The following ZFHX3 variants were observed in gnomAD, a reference collection of about 807,000 sequenced individuals.
ZFHX3 encodes the protein zinc finger homeobox 3, also known as zinc finger homeobox protein 3.
ZFHX3 carries 42 observed loss-of-function variants against 279.1 expected under a neutral mutation model. The observed-to-expected ratio is 0.15, with a 90% CI of 0.12 to 0.19. The LOEUF (loss-of-function observed/expected upper bound fraction) is 0.19, where lower values mean the gene tolerates loss of function less well. Ranked by LOEUF, ZFHX3 falls within the 10% of genes least tolerant of loss-of-function variation. The pLI is 1.00. For missense variants in ZFHX3, 4,981 were observed against 4,754.0 expected (o/e 1.05, Z -1.40); for synonymous variants, 2,293 against 1,957.8 (o/e 1.17, Z -4.52).
intron 1 of ZFHX3, among the ~76,000 whole-genome samples, chr16:73,875,491 A>G (rs1466772218): frequency 6.6e-6 from 1 of 152,158 alleles, no homozygotes; most frequent in Admixed American, 6.5e-5. Flanking sequence ...TTCTTATTAA[A>G]AGATTTATAT....
intron 2 of ZFHX3, among the ~76,000 whole-genome samples, chr16:73,491,502 G>T (rs2143646936): frequency 6.6e-6 from 1 of 152,292 alleles, no homozygotes; most frequent in Non-Finnish European, 1.5e-5. Flanking sequence ...GTAGGCATGT[G>T]ACTTGTGCTA....
At chr16:72,971,878 A>ATTTTTTTTTTTTTTTTTTTTTTTTTT (rs34508228) in intron 1 of ZFHX3, among the ~76,000 whole-genome samples, 1 of 95,466 alleles carries the variant, frequency 1.0e-5, no homozygotes, top group Non-Finnish European at 2.0e-5. Context: ...CTGCCTATTA[A>ATTTTTTTTTTTTTTTTTTTTTTTTTT]TTTTTTTTTT....
chr16:73,319,286 T>C (rs1447549647), intron 3 of ZFHX3, among the ~76,000 whole-genome samples: 1 of 151,860 alleles, frequency 6.6e-6, no homozygotes, highest in Non-Finnish European at 1.5e-5. Flanking sequence ...TTGATGAATA[T>C]GGGCAGGCAG....
intron 1 of ZFHX3, among the ~76,000 whole-genome samples, chr16:72,984,607 A>C (rs563834545): frequency 6.7e-5 from 10 of 149,394 alleles, no homozygotes; most frequent in African/African-American, 2.2e-4. Context: ...GCCTGGGCCA[A>C]AGAGCAAGAC....
chr16:73,844,704 G>C (rs770839857), intron 1 of ZFHX3, among the ~76,000 whole-genome samples: 17 of 151,826 alleles, frequency 1.1e-4, no homozygotes, highest in Admixed American at 2.6e-4. Context: ...AGAGAGATCA[G>C]ATAAGTTAGG....
In ZFHX3 at chr16:72,798,299, T is replaced by A. The variant is rs373913106; in HGVS notation, c.4383A>T (p.Gln1461His). 16 of 1,614,068 alleles carry A rather than the reference T, an allele frequency of 9.9e-6. No individual in the cohort carries two copies. The African/African-American group carries it at 2.0e-4, about 20-fold the overall frequency. The change falls in exon 9 of 10, where the codon CAA becomes CAT. Residue 1461 changes from glutamine (Q) to histidine (H), a missense_variant. Transcript: ENST00000268489. ...TGGCCAGCAGGCCACCATAAAGCTG[T>A]TGGATGTCAGCCTCACTCAGCTCCA... ...SHLELSEADI[Q>H]QLYGGLLANG...
At chr16:73,185,088 C>T (rs970397328) in intron 5 of ZFHX3, among the ~76,000 whole-genome samples, 3 of 152,040 alleles carry the variant, frequency 2.0e-5, no homozygotes, top group African/African-American at 7.2e-5. Context: ...AGTGATCCTC[C>T]TGCCTCAGCC....
chr16:73,768,477 C>A (rs2053979524), intron 1 of ZFHX3, among the ~76,000 whole-genome samples: 1 of 152,176 alleles, frequency 6.6e-6, no homozygotes, highest in South Asian at 2.1e-4. Flanking sequence ...CTCTTAAAAT[C>A]TAAGCTAGAC....
rs554898886 is a variant in ZFHX3, at chr16:73,451,726, T to C, written c.-1291+4277A>G. On this transcript the variant is annotated intron_variant, in intron 3 of 17. Transcript: ENST00000641206. ...CTGTTAACTGGGAAATGACCCCAGATGGGAGATCCTTAGGTTTTTGGGCAT... is the reference window on the plus strand; with the variant it reads ...CTGTTAACTGGGAAATGACCCCAGACGGGAGATCCTTAGGTTTTTGGGCAT... Among the ~76,000 whole-genome samples, 8 of 152,306 alleles carry C rather than the reference T, an allele frequency of 5.3e-5. No homozygotes were observed. In the South Asian group the frequency reaches 8.3e-4, roughly 16 times the overall value.
chr16:72,919,336 T>G (rs1465184144), intron 3 of ZFHX3, among the ~76,000 whole-genome samples: 1 of 152,012 alleles, frequency 6.6e-6, no homozygotes, highest in Non-Finnish European at 1.5e-5. Context: ...TTTTTGTATT[T>G]TTTTGTAGAG....
intron 5 of ZFHX3, among the ~76,000 whole-genome samples, chr16:73,255,276 T>C (rs958362362): frequency 1.8e-4 from 27 of 152,226 alleles, no homozygotes; most frequent in Admixed American, 9.8e-4. Context: ...CCTAGAAGTA[T>C]TGGATTCAGT....
chr16:73,349,522 G>T (rs1384688513), intron 3 of ZFHX3, among the ~76,000 whole-genome samples: 1 of 152,136 alleles, frequency 6.6e-6, no homozygotes, highest in Non-Finnish European at 1.5e-5. Context: ...CATTTCAAGA[G>T]ATAAGGAGTA....
chr16:73,150,788 T>G (rs1966922479), intron 5 of ZFHX3, among the ~76,000 whole-genome samples: 1 of 152,226 alleles, frequency 6.6e-6, no homozygotes, highest in Non-Finnish European at 1.5e-5. Context: ...CAGCACTTTC[T>G]AGCAAAGAAT....
At chr16:72,982,541 C>T (rs543235560) in intron 1 of ZFHX3, among the ~76,000 whole-genome samples, 38 of 152,244 alleles carry the variant, frequency 2.5e-4, no homozygotes, top group Non-Finnish European at 5.3e-4. Flanking sequence ...AGATAGGATG[C>T]CAAAGACCCA....
chr16:72,890,029 C>T, intron 3 of ZFHX3, 67 bp from the exon 4 acceptor site: 17 of 1,424,786 alleles, frequency 1.2e-5, no homozygotes, highest in South Asian at 7.8e-5. Flanking sequence ...GGCATCAGCC[C>T]ACACCATCCT....
At chr16:73,465,212 G>A (rs2018544639) in intron 2 of ZFHX3, among the ~76,000 whole-genome samples, 1 of 152,204 alleles carries the variant, frequency 6.6e-6, no homozygotes, top group Non-Finnish European at 1.5e-5. Context: ...ACTCCAGCCC[G>A]TGCTGCGCCA....
chr16:73,733,560 A>C (rs952847094), intron 1 of ZFHX3, among the ~76,000 whole-genome samples: 2 of 152,158 alleles, frequency 1.3e-5, no homozygotes, highest in Non-Finnish European at 2.9e-5. Context: ...AGCTCTATGA[A>C]TTTTCTTTCT....
chr16:73,709,437 A>G (rs149858798), intron 1 of ZFHX3, among the ~76,000 whole-genome samples: 2 of 152,260 alleles, frequency 1.3e-5, no homozygotes, highest in African/African-American at 4.8e-5. Flanking sequence ...ACGACAGAAC[A>G]CTATCCAGCC....
intron 4 of ZFHX3, among the ~76,000 whole-genome samples, chr16:73,282,684 G>A (rs2014487248): frequency 6.6e-6 from 1 of 152,172 alleles, no homozygotes; most frequent in Non-Finnish European, 1.5e-5. Flanking sequence ...TCAGTTCAAT[G>A]GTAGTGTTGT....
Sources: allele counts gnomAD v4.1 joint callset (sites outside exome capture counted in the v4.1 genomes callset), GRCh38; gene constraint gnomAD v4.1.1; transcripts MANE v1.5; gene names NCBI Gene and HGNC (gene_info 2026-07-23, HGNC 2026-07-21).